Variants in ASB4 observed in about 807,000 individuals in gnomAD.
The protein encoded by ASB4 is ankyrin repeat and SOCS box protein 4.
A neutral mutation model predicts 38.6 loss-of-function variants in ASB4; 35 were observed. The observed-to-expected ratio is 0.91, with a 90% CI of 0.69 to 1.20. ASB4 has a LOEUF of 1.20. ASB4 is among the 50% of genes most tolerant of loss of function. The pLI is 0.00. For synonymous variants in ASB4, 195 were observed against 201.3 expected (o/e 0.97, Z 0.26); for missense variants, 557 against 527.2 (o/e 1.06, Z -0.55).
chr7:95,507,037 T>C (rs1319987199), intron 2 of ASB4, among the ~76,000 whole-genome samples: 1 of 152,154 alleles, frequency 6.6e-6, no homozygotes, highest in East Asian at 1.9e-4. Flanking sequence ...ATATTAGAGG[T>C]TTTCCTCAGA....
At position 95,540,021 on chromosome 7, in the gene ASB4, T is replaced by G. The variant is rs1327539366; in HGVS notation, c.*2262T>G. 6.6e-6 allele frequency: 1 copy of G among 152,240 alleles called. No homozygotes were observed. Among genetic ancestry groups the G allele is most frequent in the East Asian group, 1.9e-4 (1 of 5,204 alleles). The allele number at this position is 152,240 out of a possible 1,614,324, so 9.4% of individuals were successfully genotyped here. ...TGCACTGACTTGGGGCAAGTAAAAC[T>G]GATGCTGAGGACAAAGGGAGAAGAT... On this transcript the variant is annotated 3_prime_UTR_variant, in exon 5 of 5. Transcript: ENST00000325885.
At chr7:95,497,802 G>A (rs1344819823) in intron 2 of ASB4, among the ~76,000 whole-genome samples, 4 of 152,084 alleles carry the variant, frequency 2.6e-5, no homozygotes, top group Admixed American at 6.5e-5. Flanking sequence ...TCTGAGTCTG[G>A]TTTCTCTCAC....
Position 95,486,058 on chromosome 7 carries a change from C to G in ASB4, c.87C>G (p.Asp29Glu), listed in dbSNP as rs1790084905. The stretch of plus-strand genomic sequence containing the variant: ...TCCTTGAGGCGCTAAAGTCCAATGA[C>G]TTCGGAAAATTGAAGGCTATTTTGA... ...RNFLEALKSN[D>E]FGKLKAILIQ... Residue 29 changes from aspartate to glutamate, a missense_variant, in exon 1 of 5, where the codon GAC becomes GAG. Coordinates refer to ENST00000325885, the MANE Select transcript of ASB4 (RefSeq NM_016116.3). The G allele has an allele frequency of 1.9e-6, 3 of 1,614,110 alleles. No homozygotes were observed. The East Asian group carries it at 6.7e-5, about 36-fold the overall frequency.
At chr7:95,513,619 C>T (rs1790516393) in intron 2 of ASB4, among the ~76,000 whole-genome samples, 1 of 152,060 alleles carries the variant, frequency 6.6e-6, no homozygotes, top group Non-Finnish European at 1.5e-5. Flanking sequence ...CAGAAACATC[C>T]AGAATATTGT....
intron 3 of ASB4, among the ~76,000 whole-genome samples, chr7:95,534,169 A>G (rs1438512602): frequency 6.6e-6 from 1 of 152,054 alleles, no homozygotes; most frequent in Non-Finnish European, 1.5e-5. Flanking sequence ...ACATGGTGAA[A>G]CCTCGTCTCT....
At chr7:95,486,542 G>A (rs915023371) in intron 1 of ASB4, among the ~76,000 whole-genome samples, 28 of 152,172 alleles carry the variant, frequency 1.8e-4, no homozygotes, top group African/African-American at 6.0e-4. Context: ...TTAAGAACAC[G>A]CTGCTAATTC....
Position 95,536,439 on chromosome 7 carries a change from G to A in ASB4, c.981G>A (p.Val327=), listed in dbSNP as rs1259362272. 1.2e-6 allele frequency: 2 copies of A among 1,600,732 alleles called. No individual in the cohort carries two copies. Among genetic ancestry groups the A allele is most frequent in the Non-Finnish European group, 8.6e-7 (1 of 1,168,156 alleles). ...GAAACTCTGTGCTTCCTCTGCAGGTGATACAGGCCTGCCATTCTTGTCCTA... is the reference window on the plus strand; with the variant it reads ...GAAACTCTGTGCTTCCTCTGCAGGTAATACAGGCCTGCCATTCTTGTCCTA... ...ARIYPPQFHK[V]IQACHSCPKA... is the part of the protein sequence containing the mutation. The change falls in exon 4 of 5, where the codon GTG becomes GTA. Residue 327 remains valine (V), a splice_region_variant and synonymous_variant. Transcript: ENST00000325885.
At chr7:95,530,139 G>A (rs1168517644) in intron 3 of ASB4, among the ~76,000 whole-genome samples, 1 of 148,716 alleles carries the variant, frequency 6.7e-6, no homozygotes, top group East Asian at 2.0e-4. Context: ...CAGATTATGT[G>A]TGCTACTTTA....
At chr7:95,507,734 A>G (rs1181278820) in intron 2 of ASB4, among the ~76,000 whole-genome samples, 1 of 152,176 alleles carries the variant, frequency 6.6e-6, no homozygotes, top group African/African-American at 2.4e-5. Context: ...GAGCAATTTC[A>G]TGATCATTAC....
chr7:95,528,621 C>T, intron 3 of ASB4: 1 of 1,314,564 alleles, frequency 7.6e-7, no homozygotes, highest in Non-Finnish European at 9.7e-7. Context: ...TAGTGTTAGA[C>T]AGGCATACAT....
At chr7:95,482,785 G>T (rs1790031716), upstream of ASB4, among the ~76,000 whole-genome samples, 1 of 152,152 alleles carries the variant, frequency 6.6e-6, no homozygotes, top group South Asian at 2.1e-4. Context: ...GATTATGAGA[G>T]GATATATAGC....
At chr7:95,535,103 T>C (rs1790872575) in intron 3 of ASB4, among the ~76,000 whole-genome samples, 1 of 152,112 alleles carries the variant, frequency 6.6e-6, no homozygotes, top group Admixed American at 6.6e-5. Flanking sequence ...CTTACTTAGT[T>C]GGATATTAAG....
chr7:95,519,994 A>G (rs1790638205), intron 2 of ASB4, among the ~76,000 whole-genome samples: 1 of 152,234 alleles, frequency 6.6e-6, no homozygotes, highest in African/African-American at 2.4e-5. Context: ...AAAAATCTTC[A>G]TCTAAAAAAC....
At chr7:95,474,621 A>G (rs2116559937), upstream of ASB4, among the ~76,000 whole-genome samples, 1 of 152,268 alleles carries the variant, frequency 6.6e-6, no homozygotes, top group Admixed American at 6.5e-5. Flanking sequence ...TCCTGGGCTC[A>G]AGCAATCCTT....
chr7:95,515,231 T>C (rs370000146), intron 2 of ASB4, among the ~76,000 whole-genome samples: 61 of 100,496 alleles, frequency 6.1e-4, no homozygotes, highest in African/African-American at 2.1e-3. Flanking sequence ...CTTTCTTTCT[T>C]TTTCTTTCTT....
At chr7:95,530,637 G>C (rs1001947360) in intron 3 of ASB4, among the ~76,000 whole-genome samples, 3 of 152,108 alleles carry the variant, frequency 2.0e-5, no homozygotes, top group African/African-American at 7.2e-5. Context: ...GAGTGAGCAA[G>C]GGGAAGATAA....
chr7:95,522,638 C>T (rs193218085), intron 2 of ASB4, among the ~76,000 whole-genome samples: 1 of 152,076 alleles, frequency 6.6e-6, no homozygotes. Flanking sequence ...CTGTGTTGGT[C>T]CTCCCGTTTA....
At chr7:95,509,691 G>A (rs770731569) in intron 2 of ASB4, among the ~76,000 whole-genome samples, 2 of 151,948 alleles carry the variant, frequency 1.3e-5, no homozygotes, top group African/African-American at 4.8e-5. Context: ...TGATGTTGCC[G>A]GTATACATGC....
chr7:95,483,500 TG>T (rs984120052), upstream of ASB4, among the ~76,000 whole-genome samples: 2 of 152,246 alleles, frequency 1.3e-5, no homozygotes, highest in African/African-American at 4.8e-5. Flanking sequence ...CACATCAGGT[TG>T]GACAAAATTA....
Sources: gnomAD v4.1 joint callset for allele counts (sites outside exome capture counted in the v4.1 genomes callset) on GRCh38, gnomAD v4.1.1 for gene constraint, MANE v1.5 for transcripts, NCBI Gene and HGNC (gene_info 2026-07-23, HGNC 2026-07-21) for gene names.